PPARD: variants seen among roughly 807,000 people sequenced by gnomAD.
The protein encoded by PPARD is peroxisome proliferator activated receptor delta, also known as peroxisome proliferator-activated receptor delta.
A neutral mutation model predicts 39.5 loss-of-function variants in PPARD; 6 were observed. The ratio of observed to expected loss-of-function variants is 0.15; its 90% confidence interval spans 0.08 to 0.30. The LOEUF (loss-of-function observed/expected upper bound fraction) is 0.30. Ranked by LOEUF, PPARD falls within the 10% of genes least tolerant of loss-of-function variation. The pLI is 1.00. For missense variants in PPARD, 397 were observed against 596.8 expected (o/e 0.67, Z 3.49); for synonymous variants, 210 against 231.3 (o/e 0.91, Z 0.83).
At chr6:35,370,183 A>T (rs1025862642) in intron 2 of PPARD, among the ~76,000 whole-genome samples, 3 of 151,932 alleles carry the variant, frequency 2.0e-5, no homozygotes, top group Non-Finnish European at 4.4e-5. Context: ...CTGTGTCCTG[A>T]CCCTGTCTGT....
intron 2 of PPARD, among the ~76,000 whole-genome samples, chr6:35,408,599 G>A (rs573531308): frequency 9.2e-5 from 14 of 152,324 alleles, no homozygotes; most frequent in African/African-American, 3.4e-4. Flanking sequence ...GTGTAAATGA[G>A]TAAAGAGCCT....
intron 2 of PPARD, among the ~76,000 whole-genome samples, chr6:35,368,831 T>C (rs956590395): frequency 1.3e-5 from 2 of 152,224 alleles, no homozygotes; most frequent in Non-Finnish European, 2.9e-5. Context: ...GTGTTTTTCT[T>C]TGAAAGTGTT....
At chr6:35,385,739 G>C (rs964379249) in intron 2 of PPARD, among the ~76,000 whole-genome samples, 1 of 151,490 alleles carries the variant, frequency 6.6e-6, no homozygotes, top group African/African-American at 2.4e-5. Context: ...TGTTTTGAAC[G>C]CATTATAAGG....
At chr6:35,380,476 GTTTTTTTTTT>G (rs71002557) in intron 2 of PPARD, among the ~76,000 whole-genome samples, 7 of 67,140 alleles carry the variant, frequency 1.0e-4, no homozygotes, top group East Asian at 5.4e-4. Context: ...TTTTTTGTTT[GTTTTTTTTTT>G]TTTTTTTTTT....
At chr6:35,415,367 C>T (rs533768658) in intron 3 of PPARD, among the ~76,000 whole-genome samples, 1 of 152,362 alleles carries the variant, frequency 6.6e-6, no homozygotes, top group Non-Finnish European at 1.5e-5. Flanking sequence ...AGTAAATAGA[C>T]CAATCGGGCG....
chr6:35,350,639 GAGAC>G (rs1273727849), intron 2 of PPARD, among the ~76,000 whole-genome samples: 1 of 82,008 alleles, frequency 1.2e-5, no homozygotes, highest in Non-Finnish European at 2.2e-5. Flanking sequence ...TTTTTTCTCT[GAGAC>G]AGAGTTTTGC....
intron 2 of PPARD, among the ~76,000 whole-genome samples, chr6:35,385,050 G>A (rs1228683431): frequency 1.4e-5 from 2 of 146,570 alleles, no homozygotes; most frequent in African/African-American, 5.3e-5. Context: ...CGCCCCGTCC[G>A]GGAGGTGACG....
At chr6:35,394,600 A>G (rs1010847397) in intron 2 of PPARD, among the ~76,000 whole-genome samples, 10 of 151,874 alleles carry the variant, frequency 6.6e-5, no homozygotes, top group African/African-American at 2.2e-4. Context: ...GTGAAACCCC[A>G]TCTCTACTAA....
At position 35,363,034 on chromosome 6, in the gene PPARD, G is replaced by C. The variant is rs757727735; in HGVS notation, c.-102+15884G>C. Among the ~76,000 whole-genome samples the C allele has an allele frequency of 1.6e-4, 24 of 152,192 alleles. No individual in the cohort carries two copies. The highest frequency in any genetic ancestry group is 3.1e-4 in the Non-Finnish European group (21 of 68,038). On this transcript the variant is annotated intron_variant, in intron 2 of 7. Transcript: ENST00000360694. The surrounding 1 kb of genome is among the most constrained non-coding windows in gnomAD (Gnocchi z 4.5). ...GGCAGTAGGCAGGGATCCGAGCATA[G>C]AGGAAGATGTTCCATGCATCAGTAA... is the stretch of plus-strand genomic sequence containing the variant.
At chr6:35,374,308 T>TGCG (rs1554205487) in intron 2 of PPARD, among the ~76,000 whole-genome samples, 4 of 126,116 alleles carry the variant, frequency 3.2e-5, no homozygotes, top group African/African-American at 1.8e-4. Flanking sequence ...TTCTCGGCGG[T>TGCG]GGGGCGGGGG....
At position 35,406,876 on chromosome 6, in the gene PPARD, C is replaced by T. The variant is rs531769432; in HGVS notation, c.-101-4111C>T. 3.9e-4 allele frequency among the ~76,000 whole-genome samples: 59 copies of T among 152,330 alleles called. No homozygotes were observed. The Middle Eastern group carries it at 0.014, about 35-fold the overall frequency. ...TGCACACAGCTGTCAGGGCCTGGCC[C>T]GGCTCGAGTCCTGCTGTGTCCGAAG... On this transcript the variant is annotated intron_variant, in intron 2 of 7. Transcript: ENST00000360694.
chr6:35,365,127 A>ACTCTTTTTTTTTT (rs1762133628), intron 2 of PPARD, among the ~76,000 whole-genome samples: 1 of 108,662 alleles, frequency 9.2e-6, no homozygotes, highest in African/African-American at 4.7e-5. Flanking sequence ...GAGCTTCCTT[A>ACTCTTTTTTTTTT]TTCTTTTTTT....
intron 2 of PPARD, among the ~76,000 whole-genome samples, chr6:35,389,073 G>A (rs181035061): frequency 1.3e-5 from 2 of 152,290 alleles, no homozygotes; most frequent in Admixed American, 1.3e-4. Context: ...AGTACTTTGG[G>A]AGGCTGAGGT....
Position 35,427,830 on chromosome 6 carries a change from C to T in PPARD, c.*1751C>T, listed in dbSNP as rs1766679068. ...GTGACTCTGGGTGGAAGTGCCCAGCCCCTGCCCCTACGGGCGCTGCAGCCT... is the reference window on the plus strand; with the variant it reads ...GTGACTCTGGGTGGAAGTGCCCAGCTCCTGCCCCTACGGGCGCTGCAGCCT... On this transcript the variant is annotated 3_prime_UTR_variant, in exon 8 of 8. Transcript: ENST00000360694. The T allele has an allele frequency of 6.5e-6, 1 of 152,766 alleles. No homozygotes were observed. The highest frequency in any genetic ancestry group is 6.5e-5 in the Admixed American group (1 of 15,290). The allele number at this position is 152,766 out of a possible 1,614,324, so 9.5% of individuals were successfully genotyped here.
intron 2 of PPARD, among the ~76,000 whole-genome samples, chr6:35,393,632 C>T (rs1246251438): frequency 1.3e-5 from 2 of 152,130 alleles, no homozygotes; most frequent in Non-Finnish European, 2.9e-5. Context: ...AAGCTGCTGT[C>T]AGAATTATGT....
intron 2 of PPARD, among the ~76,000 whole-genome samples, chr6:35,361,602 T>G (rs766384915): frequency 8.5e-5 from 13 of 152,260 alleles, no homozygotes; most frequent in Non-Finnish European, 1.9e-4. Context: ...AGTGATTGTT[T>G]GTGGAGCCCC....
rs775435735 is a variant in PPARD, at chr6:35,426,093, G to C, written c.*14G>C. On this transcript the variant is annotated 3_prime_UTR_variant, in exon 8 of 8. Coordinates refer to ENST00000360694, the MANE Select transcript of PPARD (RefSeq NM_006238.5). ...GACATGTACTAACGGCGGCACCCAG[G>C]CCTCCCTGCAGACTCCAATGGGGCC... 1.9e-6 allele frequency: 3 copies of C among 1,606,988 alleles called. No homozygotes were observed. The East Asian group carries it at 6.7e-5, about 36-fold the overall frequency.
At chr6:35,355,552 TAAAAAAAA>T (rs1171537260) in intron 2 of PPARD, among the ~76,000 whole-genome samples, 2 of 59,418 alleles carry the variant, frequency 3.4e-5, no homozygotes, top group African/African-American at 8.1e-5. Flanking sequence ...GCCCTGTCTG[TAAAAAAAA>T]AAAAAAAAAA....
At position 35,425,829 on chromosome 6, in the gene PPARD, C is replaced by T; in HGVS notation, c.1079-3C>T. The T allele has an allele frequency of 6.2e-7, 1 of 1,613,800 alleles. No homozygotes were observed. Among genetic ancestry groups the T allele is most frequent in the Non-Finnish European group, 8.5e-7 (1 of 1,179,928 alleles). ...CTCCCTGGCGTGCCCTGTGTCCCCA[C>T]AGACCGGCCAGGCCTCATGAACGTT... is the stretch of plus-strand genomic sequence containing the variant. On this transcript the variant is annotated splice_polypyrimidine_tract_variant and splice_region_variant and intron_variant, in intron 7 of 7. Transcript: ENST00000360694. The surrounding 1 kb of genome is among the most constrained non-coding windows in gnomAD (Gnocchi z 4.5).
Sources: gnomAD v4.1 joint callset for allele counts (sites outside exome capture counted in the v4.1 genomes callset) on GRCh38, gnomAD v4.1.1 for gene constraint, Gnocchi (gnomAD v3.1) non-coding constraint, MANE v1.5 for transcripts, NCBI Gene and HGNC (gene_info 2026-07-23, HGNC 2026-07-21) for gene names.